The following LAMC2 variants were observed in gnomAD, a reference collection of about 807,000 sequenced individuals.
The protein encoded by LAMC2 is laminin subunit gamma 2, also known as laminin subunit gamma-2.
A neutral mutation model predicts 140.2 loss-of-function variants in LAMC2; 97 were observed. The ratio of observed to expected loss-of-function variants is 0.69; its 90% confidence interval spans 0.59 to 0.82. The LOEUF is 0.82. Among genes scored for constraint, LAMC2 ranks in the 40% least tolerant of loss-of-function variants. LAMC2 has a pLI of 0.00. For synonymous variants in LAMC2, 513 were observed against 540.2 expected (o/e 0.95, Z 0.70); for missense variants, 1,402 against 1,476.1 (o/e 0.95, Z 0.82).
rs765501045 is a variant in LAMC2 at position 183,240,325 on chromosome 1, G to A, written c.3262G>A (p.Ala1088Thr). The A allele has an allele frequency of 6.2e-7, 1 of 1,614,238 alleles. No individual in the cohort carries two copies. The highest frequency in any genetic ancestry group is 8.5e-7 in the Non-Finnish European group (1 of 1,180,050). Residue 1088 changes from alanine to threonine, a missense_variant, in exon 22 of 23, where the codon GCC becomes ACC. Physicochemically the swap from Ala to Thr is moderately conservative, Grantham distance 58. Coordinates refer to ENST00000264144, the MANE Select transcript of LAMC2 (RefSeq NM_005562.3). ...ITEAQKVDTRAKNAGVTIQDT... is the reference protein window; with the variant it reads ...ITEAQKVDTRTKNAGVTIQDT... Reference sequence around the variant, plus strand: ...AGAAGCCCAGAAGGTTGATACCAGAGCCAAGAACGCTGGGGTTACAATCCA... The same window carrying A: ...AGAAGCCCAGAAGGTTGATACCAGAACCAAGAACGCTGGGGTTACAATCCA...
chr1:183,254,846 T>C, the LAMC2 span, among the ~76,000 whole-genome samples: 1 of 152,230 alleles, frequency 6.6e-6, no homozygotes, highest in Non-Finnish European at 1.5e-5. Context: ...TTTGAAAATA[T>C]TTTTTCTCAA....
At chr1:183,227,124 G>T (rs1166318460) in intron 9 of LAMC2, among the ~76,000 whole-genome samples, 1 of 152,198 alleles carries the variant, frequency 6.6e-6, no homozygotes, top group Non-Finnish European at 1.5e-5. Context: ...AAGGTGCCAG[G>T]TTACAGGAAA....
At position 183,228,704 on chromosome 1, in the gene LAMC2, G is replaced by A; in HGVS notation, c.1714+85G>A. 3 of 1,545,452 alleles carry A rather than the reference G, an allele frequency of 1.9e-6. No homozygotes were observed. Among genetic ancestry groups the A allele is most frequent in the Admixed American group, 1.7e-5 (1 of 59,920 alleles). On this transcript the variant is annotated intron_variant, in intron 11 of 22. Coordinates refer to ENST00000264144, the MANE Select transcript of LAMC2 (RefSeq NM_005562.3). The surrounding 1 kb of genome is among the most constrained non-coding windows in gnomAD (Gnocchi z 4.3). The stretch of plus-strand genomic sequence containing the variant: ...TGCCATCTAAGCAGGGACAATGGCA[G>A]TTCATATCATGATGTTACTTTGATT...
intron 7 of LAMC2, among the ~76,000 whole-genome samples, chr1:183,224,838 T>C (rs1004758306): frequency 3.3e-5 from 5 of 152,192 alleles, no homozygotes; most frequent in African/African-American, 1.2e-4. Flanking sequence ...TCACTTTGTT[T>C]TTCCATGGTA....
rs747693187 is a variant in LAMC2, at chr1:183,240,398, GAACCCAC to G, written c.3328+19_3328+25del. On this transcript the variant is annotated splice_region_variant and intron_variant, in intron 22 of 22. Transcript: ENST00000264144. The stretch of plus-strand genomic sequence containing the variant: ...GGCCTCCTGCATCTGATGGGTATGT[GAACCCAC>G]AACCCACAACCTTCCAGCTCCATGC... The G allele has an allele frequency of 1.2e-6, 2 of 1,614,160 alleles. No individual in the cohort carries two copies. Among genetic ancestry groups the G allele is most frequent in the Non-Finnish European group, 1.7e-6 (2 of 1,180,014 alleles).
the LAMC2 span, among the ~76,000 whole-genome samples, chr1:183,253,904 C>T: frequency 1.4e-5 from 2 of 144,270 alleles, no homozygotes; most frequent in African/African-American, 5.1e-5. Flanking sequence ...GTTCCACTTC[C>T]GTGTGTGTGT....
intron 2 of LAMC2, among the ~76,000 whole-genome samples, chr1:183,209,879 G>T (rs1659020441): frequency 6.6e-6 from 1 of 152,140 alleles, no homozygotes; most frequent in Non-Finnish European, 1.5e-5. Flanking sequence ...AGTGGTAAGG[G>T]CAAGTGAAAC....
intron 17 of LAMC2, 117 bp from the exon 18 acceptor site, chr1:183,237,235 A>T: frequency 8.5e-7 from 1 of 1,179,518 alleles, no homozygotes. Flanking sequence ...GCTAGTGACT[A>T]TTTTCTTGGC....
At chr1:183,258,786 G>GC in the LAMC2 span, among the ~76,000 whole-genome samples, 1 of 151,776 alleles carries the variant, frequency 6.6e-6, no homozygotes, top group African/African-American at 2.4e-5. Flanking sequence ...TGAATTTGCG[G>GC]CCCCCCACCC....
At chr1:183,249,999 A>G (rs1010454593), downstream of LAMC2, 1 of 152,132 alleles carries the variant, frequency 6.6e-6, no homozygotes, top group African/African-American at 2.4e-5. Context: ...CATGGGCTGT[A>G]GACCAAATGG....
rs1659500535 is a variant in LAMC2 at position 183,222,322 on chromosome 1, G to A, written c.763+111G>A. 8 of 1,198,672 alleles carry A rather than the reference G, an allele frequency of 6.7e-6. No individual in the cohort carries two copies. The Admixed American group carries it at 1.4e-4, about 20-fold the overall frequency. The allele number at this position is 1,198,672 out of a possible 1,614,324, so 74.3% of individuals were successfully genotyped here. A position where few individuals can be genotyped will look rare whatever the true frequency, so the allele number is the denominator to read the frequency against. ...ACCATATAACTTTGGGTTCAGGGTA[G>A]CAGCATCTCCGGGTAGTGCAACCCC... On this transcript the variant is annotated intron_variant, in intron 6 of 22. Coordinates refer to ENST00000264144, the MANE Select transcript of LAMC2 (RefSeq NM_005562.3).
the LAMC2 span, among the ~76,000 whole-genome samples, chr1:183,257,490 A>G: frequency 7.9e-5 from 12 of 152,212 alleles, no homozygotes; most frequent in Non-Finnish European, 1.3e-4. Flanking sequence ...GGTAGAATTC[A>G]GCTCTGAAGT....
intron 1 of LAMC2, 70 bp downstream of exon 1, chr1:183,186,501 T>C (rs1460551356): frequency 2.0e-5 from 30 of 1,523,694 alleles, no homozygotes; most frequent in Non-Finnish European, 2.5e-5. Flanking sequence ...CAGACCGTGA[T>C]GGCTGAACGT....
downstream of LAMC2, chr1:183,248,788 G>A (rs1660292565): frequency 2.0e-5 from 3 of 152,108 alleles, no homozygotes; most frequent in Non-Finnish European, 2.9e-5. Flanking sequence ...AGGTAGCCTT[G>A]GGAGAGATCC....
intron 14 of LAMC2, 22 bp downstream of exon 14, chr1:183,232,879 G>A: frequency 1.9e-6 from 3 of 1,611,556 alleles, no homozygotes; most frequent in Non-Finnish European, 8.5e-7. Context: ...CTGGGCTAGA[G>A]TATTGAGAAT....
At chr1:183,215,179 C>T (rs961996762) in intron 2 of LAMC2, among the ~76,000 whole-genome samples, 4 of 152,120 alleles carry the variant, frequency 2.6e-5, no homozygotes, top group African/African-American at 9.7e-5. Flanking sequence ...TTTTAAAAAG[C>T]AGTGAGCAAT....
chr1:183,218,255 G>C, intron 3 of LAMC2, 135 bp from the exon 4 acceptor site: 1 of 738,422 alleles, frequency 1.4e-6, no homozygotes, highest in Non-Finnish European at 2.4e-6. Context: ...GCACGGGCGA[G>C]GATGGCTAGG....
At chr1:183,198,437 C>T (rs768266971) in intron 1 of LAMC2, among the ~76,000 whole-genome samples, 9 of 152,120 alleles carry the variant, frequency 5.9e-5, no homozygotes, top group South Asian at 2.1e-4. Flanking sequence ...GCCACCGTGC[C>T]GGGCTGAGCA....
chr1:183,214,954 A>T (rs1659205402), intron 2 of LAMC2, among the ~76,000 whole-genome samples: 1 of 152,062 alleles, frequency 6.6e-6, no homozygotes, highest in Non-Finnish European at 1.5e-5. Flanking sequence ...CACAGGGGAC[A>T]CTCTCTAGCA....
Sources: gnomAD v4.1 joint callset for allele counts (sites outside exome capture counted in the v4.1 genomes callset) on GRCh38, gnomAD v4.1.1 for gene constraint, Gnocchi (gnomAD v3.1) non-coding constraint, MANE v1.5 for transcripts, NCBI Gene and HGNC (gene_info 2026-07-23, HGNC 2026-07-21) for gene names.